The following LATS1 variants were observed in gnomAD, a reference collection of about 807,000 sequenced individuals.
The protein encoded by LATS1 is serine/threonine-protein kinase LATS1.
A neutral mutation model predicts 106.6 loss-of-function variants in LATS1; 25 were observed. The ratio of observed to expected loss-of-function variants is 0.23; its 90% confidence interval spans 0.17 to 0.33. The LOEUF is 0.33. LATS1 is among the 10% of genes least tolerant of loss of function. LATS1 has a pLI of 1.00. For synonymous variants in LATS1, 465 were observed against 455.6 expected (o/e 1.02, Z -0.26); for missense variants, 1,040 against 1,382.6 (o/e 0.75, Z 3.93).
At chr6:149,707,769 T>C (rs1360459771) in intron 1 of LATS1, among the ~76,000 whole-genome samples, 1 of 152,220 alleles carries the variant, frequency 6.6e-6, no homozygotes, top group African/African-American at 2.4e-5. Context: ...AATTTGGTTG[T>C]GTGCTGAAGG....
chr6:149,661,634 T>C lies in LATS1; in HGVS notation c.*95A>G. On this transcript the variant is annotated 3_prime_UTR_variant, in exon 8 of 8. Transcript: ENST00000543571. ...TGTACACAGAGCACACATATATAGCTCTGTCATATTTGCATAATTTTACTC... is the reference window on the plus strand; with the variant it reads ...TGTACACAGAGCACACATATATAGCCCTGTCATATTTGCATAATTTTACTC... The C allele has an allele frequency of 2.0e-6, 2 of 982,342 alleles. No homozygotes were observed. Among genetic ancestry groups the C allele is most frequent in the Non-Finnish European group, 3.0e-6 (2 of 665,316 alleles). 60.9% of individuals were successfully genotyped at this position (982,342 alleles called of 1,614,324 possible).
At chr6:149,665,021 C>G (rs1781069155) in intron 7 of LATS1, among the ~76,000 whole-genome samples, 1 of 152,170 alleles carries the variant, frequency 6.6e-6, no homozygotes, top group African/African-American at 2.4e-5. Context: ...CAGTATGCAC[C>G]TAAAACTGAC....
chr6:149,662,963 C>T (rs1780949821), intron 7 of LATS1, among the ~76,000 whole-genome samples: 1 of 100,466 alleles, frequency 1.0e-5, no homozygotes, highest in Non-Finnish European at 1.9e-5. Context: ...GAGACACTGT[C>T]TCCAAAAAAA....
intron 3 of LATS1, among the ~76,000 whole-genome samples, chr6:149,693,686 C>T (rs968361382): frequency 1.3e-5 from 2 of 152,040 alleles, no homozygotes; most frequent in African/African-American, 2.4e-5. Flanking sequence ...CAAAGAAATG[C>T]AAATGTAAAA....
intron 3 of LATS1, among the ~76,000 whole-genome samples, chr6:149,687,671 G>C (rs964351304): frequency 3.3e-5 from 5 of 151,866 alleles, no homozygotes; most frequent in African/African-American, 1.2e-4. Flanking sequence ...GGGCTCAAGT[G>C]ATCCTCCTTC....
chr6:149,717,859 G>A lies in LATS1; in HGVS notation c.-151C>T, dbSNP rs775787890. On this transcript the variant is annotated 5_prime_UTR_variant, in exon 1 of 8. Coordinates refer to ENST00000543571, the MANE Select transcript of LATS1 (RefSeq NM_004690.4). ...CAGCCCCGGACCTACCTGGAGGGGA[G>A]AGCAGAGCTCCTGGACAGCGGCCAC... The A allele has an allele frequency of 2.9e-6, 1 of 350,710 alleles. No homozygotes were observed. Among genetic ancestry groups the A allele is most frequent in the Non-Finnish European group, 5.5e-6 (1 of 180,962 alleles). The allele number at this position is 350,710 out of a possible 1,614,324, so 21.7% of individuals were successfully genotyped here.
chr6:149,706,527 C>T (rs554605662), intron 1 of LATS1, among the ~76,000 whole-genome samples: 1 of 152,116 alleles, frequency 6.6e-6, no homozygotes, highest in South Asian at 2.1e-4. Flanking sequence ...AAAAGATATT[C>T]CCCTTCCTAA....
intron 7 of LATS1, 164 bp downstream of exon 7, chr6:149,676,096 C>T (rs1781706199): frequency 1.7e-6 from 1 of 583,886 alleles, no homozygotes; most frequent in Non-Finnish European, 3.1e-6. Flanking sequence ...AAGCAATCCT[C>T]CTGCCTCAGC....
intron 1 of LATS1, among the ~76,000 whole-genome samples, chr6:149,714,534 C>A (rs1244466060): frequency 1.3e-5 from 2 of 151,940 alleles, no homozygotes; most frequent in African/African-American, 2.4e-5. Flanking sequence ...AAGACAGACT[C>A]AAAAGTCTGC....
intron 3 of LATS1, among the ~76,000 whole-genome samples, chr6:149,692,203 C>G (rs1182751803): frequency 1.3e-5 from 2 of 152,190 alleles, no homozygotes; most frequent in Non-Finnish European, 2.9e-5. Context: ...ATAAACAGTT[C>G]TGCAGAGTCA....
intron 5 of LATS1, among the ~76,000 whole-genome samples, chr6:149,678,194 A>AAAAAAG (rs1781836614): frequency 6.9e-6 from 1 of 145,396 alleles, no homozygotes; most frequent in Non-Finnish European, 1.5e-5. Context: ...AAAAAAAAAA[A>AAAAAAG]ATAGCCGGGC....
intron 7 of LATS1, among the ~76,000 whole-genome samples, chr6:149,669,422 C>T (rs1171583628): frequency 6.6e-6 from 1 of 151,936 alleles, no homozygotes. Context: ...TGTGAGCCAC[C>T]GTGCCTGGCT....
intron 3 of LATS1, among the ~76,000 whole-genome samples, chr6:149,688,618 A>C (rs1233032197): frequency 6.6e-6 from 1 of 152,058 alleles, no homozygotes; most frequent in Non-Finnish European, 1.5e-5. Context: ...CGTTCATTAA[A>C]TATTTATTGT....
chr6:149,676,026 ATTTG>A, intron 7 of LATS1: 1 of 441,648 alleles, frequency 2.3e-6, no homozygotes, highest in Non-Finnish European at 4.1e-6. Context: ...ATTAAAAAAT[ATTTG>A]TTTGTAGAGA....
At chr6:149,687,475 G>A (rs1782455534) in intron 3 of LATS1, among the ~76,000 whole-genome samples, 1 of 151,972 alleles carries the variant, frequency 6.6e-6, no homozygotes. Flanking sequence ...TGTCACCCAG[G>A]CTGGAGGGCA....
At chr6:149,694,616 G>A (rs1178956109) in intron 3 of LATS1, among the ~76,000 whole-genome samples, 1 of 152,066 alleles carries the variant, frequency 6.6e-6, no homozygotes, top group Non-Finnish European at 1.5e-5. Flanking sequence ...ATCAAAATAC[G>A]CATAGATAAA....
At chr6:149,670,462 G>A (rs150759402) in intron 7 of LATS1, among the ~76,000 whole-genome samples, 10 of 152,066 alleles carry the variant, frequency 6.6e-5, no homozygotes, top group African/African-American at 2.2e-4. Context: ...TGAAGGGAGA[G>A]GCTGCTAAAA....
At chr6:149,671,092 GGT>G (rs1359930834) in intron 7 of LATS1, among the ~76,000 whole-genome samples, 2 of 151,440 alleles carry the variant, frequency 1.3e-5, no homozygotes, top group African/African-American at 4.9e-5. Flanking sequence ...TCTTTGTAAA[GGT>G]GTGAGGTCAC....
chr6:149,672,805 A>C (rs1381384100), intron 7 of LATS1, among the ~76,000 whole-genome samples: 2 of 151,876 alleles, frequency 1.3e-5, no homozygotes, highest in East Asian at 3.9e-4. Context: ...ATTAACTGGG[A>C]TGGTGGCGCA....
Sources: gnomAD v4.1 joint callset for allele counts (sites outside exome capture counted in the v4.1 genomes callset) on GRCh38, gnomAD v4.1.1 for gene constraint, MANE v1.5 for transcripts, NCBI Gene and HGNC (gene_info 2026-07-23, HGNC 2026-07-21) for gene names.